CD58: variants seen among roughly 807,000 people sequenced by gnomAD.
CD58 encodes the protein CD58 molecule, also known as lymphocyte function-associated antigen 3.
Under a neutral mutation model 27.6 loss-of-function variants are expected in CD58, and 14 were observed. That is an observed-to-expected ratio of 0.51 (90% CI 0.34 to 0.79). CD58 has a LOEUF of 0.79. CD58 is among the 30% of genes least tolerant of loss of function. The pLI is 0.02. For synonymous variants in CD58, 117 were observed against 103.8 expected (o/e 1.13, Z -0.77); for missense variants, 268 against 301.7 (o/e 0.89, Z 0.83).
In CD58 at chr1:116,544,319, T is replaced by G; in HGVS notation, c.356A>C (p.Tyr119Ser). 6.3e-7 allele frequency: 1 copy of G among 1,597,592 alleles called. No homozygotes were observed. The highest frequency in any genetic ancestry group is 8.5e-7 in the Non-Finnish European group (1 of 1,173,904). Residue 119 changes from tyrosine (Y) to serine (S), a missense_variant, in exon 2 of 6, where the codon TAT becomes TCT. Transcript: ENST00000369489. The stretch of plus-strand genomic sequence containing the variant: ...ACTTATGGAATACTCACCAAGCACA[T>G]AAAGAAAGAACTTCATGGTATCAGT... ...NITDTMKFFL[Y>S]VLESLPSPTL...
rs1657092834 is a variant in CD58 at position 116,516,743 on chromosome 1, T to C, written c.744-1921A>G. 6.6e-6 allele frequency among the ~76,000 whole-genome samples: 1 copy of C among 152,202 alleles called. No individual in the cohort carries two copies. The highest frequency in any genetic ancestry group is 6.5e-5 in the Admixed American group (1 of 15,280). ...TTCTGGCCTCTCCAATTCCTCTGCG[T>C]TGGTTGCTCAGCCCTTACCCTCATA... On this transcript the variant is annotated intron_variant, in intron 5 of 5. Transcript: ENST00000369489. The surrounding 1 kb of genome is among the most constrained non-coding windows in gnomAD (Gnocchi z 6.1).
rs757541879 is a variant in CD58 at position 116,571,006 on chromosome 1, G to C, written c.-34C>G. The C allele has an allele frequency of 9.9e-6, 15 of 1,515,338 alleles. No individual in the cohort carries two copies. Among genetic ancestry groups the C allele is most frequent in the Middle Eastern group, 1.7e-4 (1 of 5,892 alleles). 93.9% of individuals were successfully genotyped at this position (1,515,338 alleles called of 1,614,324 possible). ...GGGCCGGCCTCTGCGCGAGTGCCCA[G>C]CCACAAGCAGCCCTAAGTTCAAGCA... On this transcript the variant is annotated 5_prime_UTR_variant, in exon 1 of 6. Coordinates refer to ENST00000369489, the MANE Select transcript of CD58 (RefSeq NM_001779.3).
In CD58 at chr1:116,541,208, C is replaced by T. The variant is rs1023011516; in HGVS notation, c.364+3103G>A. 2.0e-5 allele frequency among the ~76,000 whole-genome samples: 3 copies of T among 152,222 alleles called. No individual in the cohort carries two copies. The highest frequency in any genetic ancestry group is 1.3e-4 in the Admixed American group (2 of 15,290). On this transcript the variant is annotated intron_variant, in intron 2 of 5. Coordinates refer to ENST00000369489, the MANE Select transcript of CD58 (RefSeq NM_001779.3). This position sits in a 1 kb window ranked among gnomAD's most constrained non-coding sequence, Gnocchi z 5.3. ...TTTTACAAACTCTATAAAAAGGGCTCTTAAAATGTGTGATCTAAATTCTGA... is the reference window on the plus strand; with the variant it reads ...TTTTACAAACTCTATAAAAAGGGCTTTTAAAATGTGTGATCTAAATTCTGA...
chr1:116,517,087 A>G lies in CD58; in HGVS notation c.743+2144T>C, dbSNP rs60612523. Among the ~76,000 whole-genome samples the G allele has an allele frequency of 0.073, 10,979 of 150,322 alleles. 878 individuals carry two copies. The highest frequency in any genetic ancestry group is 0.21 in the African/African-American group (8,453 of 40,876). On this transcript the variant is annotated intron_variant, in intron 5 of 5. Transcript: ENST00000369489. The surrounding 1 kb of genome is among the most constrained non-coding windows in gnomAD (Gnocchi z 6.5). ...TGGATGATGCCCCCCTACCCCCATCATTGGTAGTGATGGCTATGCCTCCCC... is the reference window on the plus strand; with the variant it reads ...TGGATGATGCCCCCCTACCCCCATCGTTGGTAGTGATGGCTATGCCTCCCC...
Position 116,519,046 on chromosome 1 carries a change from C to T in CD58, c.743+185G>A, listed in dbSNP as rs1178404442. 2 of 1,292,684 alleles carry T rather than the reference C, an allele frequency of 1.5e-6. No homozygotes were observed. Among genetic ancestry groups the T allele is most frequent in the Non-Finnish European group, 2.1e-6 (2 of 966,906 alleles). The allele number at this position is 1,292,684 out of a possible 1,614,324, so 80.1% of individuals were successfully genotyped here. ...CCAGGAAACGATATGCAGAGAGTGG[C>T]TAGTGCAGTGCATGGCACACAGTTG... On this transcript the variant is annotated intron_variant, in intron 5 of 5. Transcript: ENST00000369489. This position sits in a 1 kb window ranked among gnomAD's most constrained non-coding sequence, Gnocchi z 4.7.
At chr1:116,568,495 T>C (rs1659020282) in intron 1 of CD58, among the ~76,000 whole-genome samples, 1 of 152,242 alleles carries the variant, frequency 6.6e-6, no homozygotes, top group Admixed American at 6.5e-5. Context: ...TTTGCTTTAC[T>C]CATCTCTGTA....
chr1:116,533,137 CA>C, intron 3 of CD58: 1 of 754,282 alleles, frequency 1.3e-6, no homozygotes. Flanking sequence ...TGTCCAATTT[CA>C]AAATCAGAGG....
rs934682012 is a variant in CD58 at position 116,557,831 on chromosome 1, G to A, written c.70+13072C>T. 3.3e-5 allele frequency among the ~76,000 whole-genome samples: 5 copies of A among 151,736 alleles called. No homozygotes were observed. The highest frequency in any genetic ancestry group is 7.3e-5 in the African/African-American group (3 of 41,274). On this transcript the variant is annotated intron_variant, in intron 1 of 5. Transcript: ENST00000369489. This position sits in a 1 kb window ranked among gnomAD's most constrained non-coding sequence, Gnocchi z 5.2. Reference sequence around the variant, plus strand: ...TAGAACTACAGTTGCATGCCACCACGCCCAGCTAATTTTTATATTTTTTGT... The same window carrying A: ...TAGAACTACAGTTGCATGCCACCACACCCAGCTAATTTTTATATTTTTTGT...
rs1657198823 is a variant in CD58, at chr1:116,519,497, T to C, written c.707-230A>G. Among the ~76,000 whole-genome samples, 1 of 152,180 alleles carries C rather than the reference T, an allele frequency of 6.6e-6. No individual in the cohort carries two copies. The highest frequency in any genetic ancestry group is 2.4e-5 in the African/African-American group (1 of 41,448). On this transcript the variant is annotated intron_variant, in intron 4 of 5. Coordinates refer to ENST00000369489, the MANE Select transcript of CD58 (RefSeq NM_001779.3). This position sits in a 1 kb window ranked among gnomAD's most constrained non-coding sequence, Gnocchi z 4.7. ...GATAGAAAACCAAATGCAAAAACTG[T>C]TGACAAAATGGCTAATTTTACCTCG...
Position 116,532,914 on chromosome 1 carries a change from G to A in CD58, c.628+3051C>T. 2 of 1,036,092 alleles carry A rather than the reference G, an allele frequency of 1.9e-6. No homozygotes were observed. The highest frequency in any genetic ancestry group is 2.8e-5 in the East Asian group (1 of 35,782). 64.2% of individuals were successfully genotyped at this position (1,036,092 alleles called of 1,614,324 possible). ...GGCCCGGAGTCGCGACAGCCGGTCT[G>A]CCAGGCGCCCACCTCCACTTCCTAC... is the stretch of plus-strand genomic sequence containing the variant. On this transcript the variant is annotated intron_variant, in intron 3 of 5. Transcript: ENST00000369489. This position sits in a 1 kb window ranked among gnomAD's most constrained non-coding sequence, Gnocchi z 5.1.
intron 1 of CD58, among the ~76,000 whole-genome samples, chr1:116,555,547 G>C (rs962365279): frequency 3.9e-5 from 6 of 152,058 alleles, no homozygotes; most frequent in African/African-American, 1.4e-4. Context: ...AGGTTTTTTT[G>C]TTTTGAAGAA....
At chr1:116,569,869 T>G (rs1269149764) in intron 1 of CD58, among the ~76,000 whole-genome samples, 1 of 152,218 alleles carries the variant, frequency 6.6e-6, no homozygotes, top group Non-Finnish European at 1.5e-5. Flanking sequence ...CCCAAAGTGC[T>G]AGGATGACAG....
At chr1:116,569,091 A>G (rs1430318259) in intron 1 of CD58, among the ~76,000 whole-genome samples, 1 of 152,240 alleles carries the variant, frequency 6.6e-6, no homozygotes, top group Non-Finnish European at 1.5e-5. Flanking sequence ...GAGCTTGGGC[A>G]AACTGGGTTT....
At chr1:116,568,104 A>C (rs996823559) in intron 1 of CD58, among the ~76,000 whole-genome samples, 1 of 151,970 alleles carries the variant, frequency 6.6e-6, no homozygotes, top group Non-Finnish European at 1.5e-5. Flanking sequence ...AGGGGGTTAA[A>C]AAGGCATGAT....
At chr1:116,533,147 G>A in intron 3 of CD58, 1 of 753,732 alleles carries the variant, frequency 1.3e-6, no homozygotes, top group Non-Finnish European at 2.5e-6. Flanking sequence ...CAAAATCAGA[G>A]GCTAATACGA....
intron 2 of CD58, among the ~76,000 whole-genome samples, chr1:116,543,353 A>G (rs911207068): frequency 6.6e-6 from 1 of 152,080 alleles, no homozygotes; most frequent in South Asian, 2.1e-4. Flanking sequence ...TCTCGGTTAC[A>G]TCCATGGGTA....
At chr1:116,549,951 T>G (rs1460475510) in intron 1 of CD58, among the ~76,000 whole-genome samples, 2 of 152,216 alleles carry the variant, frequency 1.3e-5, no homozygotes, top group South Asian at 4.1e-4. Context: ...TACACTATAC[T>G]GTAGTCTATT....
chr1:116,561,068 C>A (rs982995641), intron 1 of CD58, among the ~76,000 whole-genome samples: 2 of 152,160 alleles, frequency 1.3e-5, no homozygotes, highest in African/African-American at 4.8e-5. Flanking sequence ...CATATAAGGG[C>A]TGATTTATGC....
At chr1:116,558,113 G>A (rs191461891) in intron 1 of CD58, among the ~76,000 whole-genome samples, 67 of 147,026 alleles carry the variant, frequency 4.6e-4, no homozygotes, top group African/African-American at 1.6e-3. Context: ...GGCTCACACT[G>A]CCTGCAGATT....
Sources: allele counts gnomAD v4.1 joint callset (sites outside exome capture counted in the v4.1 genomes callset), GRCh38; gene constraint gnomAD v4.1.1; non-coding constraint Gnocchi (gnomAD v3.1); transcripts MANE v1.5; gene names NCBI Gene and HGNC (gene_info 2026-07-23, HGNC 2026-07-21).